Variants in KLC3 observed in about 807,000 individuals in gnomAD.
The protein encoded by KLC3 is kinesin light chain 2.
Under a neutral mutation model 62.9 loss-of-function variants are expected in KLC3, and 72 were observed. The observed-to-expected ratio is 1.15, with a 90% CI of 0.95 to 1.39. KLC3 has a LOEUF of 1.39. KLC3 is among the 40% of genes most tolerant of loss of function. The pLI is 0.00. For missense variants in KLC3, 848 were observed against 691.6 expected, an observed-to-expected ratio of 1.23 and a Z score of -2.54; for synonymous variants, 377 against 300.5, an observed-to-expected ratio of 1.25 and a Z score of -2.63.
At chr19:45,341,570 TGTGTGTGTGCGCGCGC>T (rs2123171252) in intron 1 of KLC3, among the ~76,000 whole-genome samples, 1 of 130,588 alleles carries the variant, frequency 7.7e-6, no homozygotes, top group South Asian at 2.7e-4. Flanking sequence ...TGTGTGTGTG[TGTGTGTGTGCGCGCGC>T]GCGTGTGGTG....
chr19:45,348,160 G>T lies in KLC3; in HGVS notation c.779G>T (p.Arg260Leu). ...TMLNILALVY[R>L]DQNKYKEATD... Reference sequence around the variant, plus strand: ...CTCAACATCCTGGCGCTGGTGTACCGGTGAGCACTGCGGCCAGCCATGGCT... The same window carrying T: ...CTCAACATCCTGGCGCTGGTGTACCTGTGAGCACTGCGGCCAGCCATGGCT... Residue 260 changes from arginine to leucine, a missense_variant and splice_region_variant, in exon 5 of 13, where the codon CGG becomes CTG. By Grantham distance (102) the Arg-to-Leu change is moderately radical. Coordinates refer to ENST00000391946, the MANE Select transcript of KLC3 (RefSeq NM_177417.3). The T allele has an allele frequency of 6.3e-7, 1 of 1,577,478 alleles. No homozygotes were observed. Among genetic ancestry groups the T allele is most frequent in the Non-Finnish European group, 8.6e-7 (1 of 1,159,186 alleles).
rs1436753496 is a variant in KLC3, at chr19:45,350,843, C to T, written c.1379+96C>T. 6.3e-6 allele frequency: 8 copies of T among 1,278,442 alleles called. No homozygotes were observed. The African/African-American group carries it at 1.2e-4, about 19-fold the overall frequency. 79.2% of individuals were successfully genotyped at this position (1,278,442 alleles called of 1,614,324 possible). On this transcript the variant is annotated intron_variant, in intron 11 of 12. Transcript: ENST00000391946. The stretch of plus-strand genomic sequence containing the variant: ...CATCTTGCTCAAGAACCTTCCATGG[C>T]TCCCATCTCCCCTGTGATACACACA...
intron 1 of KLC3, among the ~76,000 whole-genome samples, chr19:45,344,382 T>C (rs916867023): frequency 2.6e-4 from 39 of 148,590 alleles, no homozygotes; most frequent in Admixed American, 1.3e-4. Context: ...CTCTGCTATT[T>C]TTTTTTTTTT....
intron 12 of KLC3, 102 bp downstream of exon 12, chr19:45,351,119 G>A: frequency 1.2e-6 from 2 of 1,606,390 alleles, no homozygotes; most frequent in Non-Finnish European, 1.7e-6. Flanking sequence ...TCAGCAGGTG[G>A]TGGGTTGGTG....
At chr19:45,344,093 A>C (rs1373674273) in intron 1 of KLC3, among the ~76,000 whole-genome samples, 1 of 150,908 alleles carries the variant, frequency 6.6e-6, no homozygotes, top group Non-Finnish European at 1.5e-5. Context: ...CAAAATCCCA[A>C]AGTGCTCGGA....
intron 12 of KLC3, 61 bp from the exon 13 acceptor site, chr19:45,351,222 TGGA>T: frequency 6.3e-7 from 1 of 1,591,726 alleles, no homozygotes; most frequent in Non-Finnish European, 8.6e-7. Flanking sequence ...GACCTGGAGC[TGGA>T]GGGTGGATGT....
At chr19:45,347,871 G>A (rs1018552037) in intron 4 of KLC3, 70 bp from the exon 5 acceptor site, 10 of 1,288,548 alleles carry the variant, frequency 7.8e-6, no homozygotes, top group African/African-American at 4.4e-5. Flanking sequence ...TCTGAGGCAC[G>A]TGTCCCCTCA....
intron 11 of KLC3, 95 bp downstream of exon 11, chr19:45,350,842 G>A: frequency 3.0e-6 from 4 of 1,335,554 alleles, no homozygotes; most frequent in Non-Finnish European, 4.2e-6. Context: ...ACCTTCCATG[G>A]CTCCCATCTC....
At chr19:45,347,231 A>C in intron 3 of KLC3, 1 of 521,244 alleles carries the variant, frequency 1.9e-6, no homozygotes, top group Non-Finnish European at 3.4e-6. Flanking sequence ...AATCCCAGCT[A>C]CTCCGGAAGC....
intron 3 of KLC3, 30 bp from the exon 4 acceptor site, chr19:45,347,416 AC>A: frequency 6.5e-7 from 1 of 1,536,096 alleles, no homozygotes; most frequent in Non-Finnish European, 8.9e-7. Context: ...AGCCCCCACC[AC>A]CCCGGCCCCC....
At chr19:45,342,812 T>A (rs967712269) in intron 1 of KLC3, among the ~76,000 whole-genome samples, 1 of 152,134 alleles carries the variant, frequency 6.6e-6, no homozygotes, top group East Asian at 1.9e-4. Flanking sequence ...ATACATCACA[T>A]ATATACACAT....
intron 1 of KLC3, among the ~76,000 whole-genome samples, chr19:45,344,165 G>GTGTGTA (rs1406349332): frequency 1.3e-5 from 2 of 149,644 alleles, no homozygotes; most frequent in African/African-American, 4.9e-5. Flanking sequence ...GTGTGTGTGT[G>GTGTGTA]TGTGTGTGTG....
At position 45,346,620 on chromosome 19, in the gene KLC3, TGGC is replaced by T; in HGVS notation, c.336_338del (p.Ala113del). The T allele has an allele frequency of 6.4e-7, 1 of 1,551,638 alleles. No individual in the cohort carries two copies. Among genetic ancestry groups the T allele is most frequent in the Non-Finnish European group, 8.7e-7 (1 of 1,147,630 alleles). On this transcript the variant is annotated inframe_deletion, in exon 3 of 13. Transcript: ENST00000391946. The stretch of plus-strand genomic sequence containing the variant: ...CGGCTGCGCTCGCAGGCCCGGCGGC[TGGC>T]CCAGGAGAACGTGTGGCTGCGGGAG...
chr19:45,350,922 C>T (rs1971729194), intron 11 of KLC3, 32 bp from the exon 12 acceptor site: 12 of 1,608,648 alleles, frequency 7.5e-6, no homozygotes, highest in African/African-American at 1.3e-5. Flanking sequence ...CTCCTGGATT[C>T]ACTCATTTCC....
In KLC3 at chr19:45,350,532, C is replaced by CA. The variant is rs1350525223; in HGVS notation, c.1254dup (p.Ala419SerfsTer3). 1 of 1,613,976 alleles carries CA rather than the reference C, an allele frequency of 6.2e-7. No individual in the cohort carries two copies. The highest frequency in any genetic ancestry group is 1.1e-5 in the South Asian group (1 of 91,060). On this transcript the variant is annotated frameshift_variant, in exon 10 of 13. Coordinates refer to ENST00000391946, the MANE Select transcript of KLC3 (RefSeq NM_177417.3). LOFTEE classifies it high-confidence loss of function. The stretch of plus-strand genomic sequence containing the variant: ...CCCCTAGGTGCCCCCAACACAGGCA[C>CA]AGCTGGTGACGCAGAACAGGTGAGG...
intron 7 of KLC3, 131 bp from the exon 8 acceptor site, chr19:45,349,298 A>C (rs574843053): frequency 1.1e-6 from 1 of 915,034 alleles, no homozygotes; most frequent in African/African-American, 1.7e-5. Context: ...TTGTGTCCCC[A>C]GCCCCCAACC....
At chr19:45,349,631 A>C in intron 8 of KLC3, 29 bp downstream of exon 8, 1 of 1,500,834 alleles carries the variant, frequency 6.7e-7, no homozygotes, top group Non-Finnish European at 9.0e-7. Context: ...AGAGTGGGCC[A>C]AGAGTGGAGG....
chr19:45,350,354 T>C lies in KLC3; in HGVS notation c.1157T>C (p.Leu386Pro). The C allele has an allele frequency of 6.2e-7, 1 of 1,612,982 alleles. No individual in the cohort carries two copies. The highest frequency in any genetic ancestry group is 8.5e-7 in the Non-Finnish European group (1 of 1,179,886). Residue 386 changes from leucine (L) to proline (P), a missense_variant, in exon 9 of 13, where the codon CTG becomes CCG. Physicochemically the swap from Leu to Pro is moderately conservative, Grantham distance 98. Coordinates refer to ENST00000391946, the MANE Select transcript of KLC3 (RefSeq NM_177417.3). ...KTKNNLASAYLKQNKYQQAEE... is the reference protein window; with the variant it reads ...KTKNNLASAYPKQNKYQQAEE... Reference sequence around the variant, plus strand: ...CCTTCTCCGCAGGCCTCAGCCTACCTGAAACAGAACAAGTATCAACAAGCG... The same window carrying C: ...CCTTCTCCGCAGGCCTCAGCCTACCCGAAACAGAACAAGTATCAACAAGCG...
At chr19:45,351,044 A>G (rs752110520) in intron 12 of KLC3, 27 bp downstream of exon 12, 2 of 1,613,982 alleles carry the variant, frequency 1.2e-6, no homozygotes, top group Admixed American at 1.7e-5. Flanking sequence ...GGTCAAAAAT[A>G]GAGGAGGCCA....
Sources: allele counts gnomAD v4.1 joint callset (sites outside exome capture counted in the v4.1 genomes callset), GRCh38; gene constraint gnomAD v4.1.1; transcripts MANE v1.5; gene names NCBI Gene and HGNC (gene_info 2026-07-23, HGNC 2026-07-21).